SLC25A26: variants seen among roughly 807,000 people sequenced by gnomAD.
SLC25A26 encodes the protein mitochondrial S-adenosylmethionine carrier protein.
A neutral mutation model predicts 37.8 loss-of-function variants in SLC25A26; 36 were observed. That is an observed-to-expected ratio of 0.95 (90% CI 0.73 to 1.26). SLC25A26 has a LOEUF of 1.26. Ranked by LOEUF, SLC25A26 falls within the 50% of genes most tolerant of loss-of-function variation. The pLI, the probability that SLC25A26 is intolerant of heterozygous loss-of-function variation, is 0.00. For missense variants in SLC25A26, 390 were observed against 331.1 expected (o/e 1.18, Z -1.38); for synonymous variants, 129 against 122.5 (o/e 1.05, Z -0.35).
chr3:66,184,233 C>A (rs888908679), intron 1 of SLC25A26, among the ~76,000 whole-genome samples: 1 of 152,080 alleles, frequency 6.6e-6, no homozygotes, highest in Non-Finnish European at 1.5e-5. Context: ...GTCTCTGACA[C>A]TGACTTTCAC....
chr3:66,333,832 A>AAAACAAAAAAC (rs980885460), intron 5 of SLC25A26, among the ~76,000 whole-genome samples: 5 of 115,430 alleles, frequency 4.3e-5, no homozygotes, highest in Non-Finnish European at 7.3e-5. Context: ...AGAACCTAGA[A>AAAACAAAAAAC]AAACAAAAAA....
rs141058279 is a variant in SLC25A26 at position 66,373,366 on chromosome 3, G to A, written c.707+2764G>A. Among the ~76,000 whole-genome samples the A allele has an allele frequency of 2.5e-4, 38 of 152,356 alleles. No individual in the cohort carries two copies. In the East Asian group the frequency reaches 6.4e-3, roughly 26 times the overall value. On this transcript the variant is annotated intron_variant, in intron 9 of 9. Coordinates refer to ENST00000354883, the MANE Select transcript of SLC25A26 (RefSeq NM_001379210.1). ...TACTCCACGTTAAGGCCGTAATTAC[G>A]TTAATAGATTCAGTGGTCATCTGTT...
intron 5 of SLC25A26, among the ~76,000 whole-genome samples, chr3:66,284,673 A>G (rs1430976758): frequency 1.3e-5 from 2 of 152,238 alleles, no homozygotes; most frequent in African/African-American, 4.8e-5. Flanking sequence ...ACATGGATCA[A>G]TCTCAACAAA....
chr3:66,347,309 C>T (rs537625131), intron 6 of SLC25A26, among the ~76,000 whole-genome samples: 25 of 152,178 alleles, frequency 1.6e-4, no homozygotes, highest in African/African-American at 4.1e-4. Flanking sequence ...AAAAAGTGAG[C>T]GAAGGACATG....
At chr3:66,160,204 G>A (rs1256321870) in intron 1 of SLC25A26, among the ~76,000 whole-genome samples, 1 of 152,020 alleles carries the variant, frequency 6.6e-6, no homozygotes, top group East Asian at 1.9e-4. Context: ...TGGACAGGCT[G>A]GTCTCGAGCA....
chr3:66,247,318 A>G (rs2072895294), intron 3 of SLC25A26, among the ~76,000 whole-genome samples: 1 of 151,984 alleles, frequency 6.6e-6, no homozygotes, highest in Non-Finnish European at 1.5e-5. Context: ...CATATTTACA[A>G]ATGAATGAAT....
At chr3:66,317,625 G>A (rs571864140) in intron 5 of SLC25A26, among the ~76,000 whole-genome samples, 19 of 152,338 alleles carry the variant, frequency 1.2e-4, no homozygotes, top group African/African-American at 4.6e-4. Context: ...AAGCAGTCTG[G>A]CTGCCCGTTG....
chr3:66,195,959 A>G (rs2106802821), intron 1 of SLC25A26, among the ~76,000 whole-genome samples: 1 of 152,370 alleles, frequency 6.6e-6, no homozygotes, highest in East Asian at 1.9e-4. Context: ...GCTAAGATCA[A>G]GCGTAGGAGC....
chr3:66,272,291 T>C (rs1250023447), intron 5 of SLC25A26, among the ~76,000 whole-genome samples: 2 of 152,254 alleles, frequency 1.3e-5, no homozygotes, highest in African/African-American at 4.8e-5. Context: ...ATCCATGAAC[T>C]TAACCTTTAT....
chr3:66,205,241 C>G (rs1037858823), intron 1 of SLC25A26, among the ~76,000 whole-genome samples: 2 of 152,086 alleles, frequency 1.3e-5, no homozygotes, highest in African/African-American at 2.4e-5. Context: ...AAGAAAAAAG[C>G]GTGGTGGAGG....
At chr3:66,371,499 G>A in intron 9 of SLC25A26, 2 of 1,365,984 alleles carry the variant, frequency 1.5e-6, no homozygotes, top group Non-Finnish European at 1.9e-6. Context: ...AAAAGTAGGT[G>A]ATATTGGATG....
At position 66,158,674 on chromosome 3, in the gene SLC25A26, G is replaced by T. The variant is rs559141063; in HGVS notation, c.-354+24690G>T. On this transcript the variant is annotated intron_variant, in intron 1 of 10. Coordinates refer to the SLC25A26 transcript ENST00000676754. Reference sequence around the variant, plus strand: ...CACGCAGGCATTGAGTTCATAGATTGTTATACAAAGTGGCTTTCGTTTTAT... The same window carrying T: ...CACGCAGGCATTGAGTTCATAGATTTTTATACAAAGTGGCTTTCGTTTTAT... Among the ~76,000 whole-genome samples, 33 of 152,230 alleles carry T rather than the reference G, an allele frequency of 2.2e-4. No individual in the cohort carries two copies. In the South Asian group the frequency reaches 4.4e-3, roughly 20 times the overall value.
At chr3:66,239,829 T>TC (rs2072485830) in intron 2 of SLC25A26, among the ~76,000 whole-genome samples, 1 of 134,602 alleles carries the variant, frequency 7.4e-6, no homozygotes, top group Non-Finnish European at 1.7e-5. Flanking sequence ...TTTTTTTTTT[T>TC]TTTTTTTTTT....
intron 5 of SLC25A26, among the ~76,000 whole-genome samples, chr3:66,273,417 G>A (rs1382837266): frequency 2.6e-5 from 4 of 151,978 alleles, no homozygotes; most frequent in Admixed American, 6.6e-5. Context: ...AATCCATCTG[G>A]TCCTGGACTC....
At chr3:66,208,228 A>C (rs2071205847) in intron 1 of SLC25A26, among the ~76,000 whole-genome samples, 1 of 152,176 alleles carries the variant, frequency 6.6e-6, no homozygotes, top group African/African-American at 2.4e-5. Context: ...TTCATTGTTC[A>C]TCATAATGAC....
chr3:66,208,887 C>CACCTTT, intron 1 of SLC25A26, among the ~76,000 whole-genome samples: 1 of 24,084 alleles, frequency 4.2e-5, no homozygotes, highest in East Asian at 1.6e-3. Context: ...TATATATATA[C>CACCTTT]ACCTTTATAT....
intron 5 of SLC25A26, among the ~76,000 whole-genome samples, chr3:66,286,618 A>G (rs1003404629): frequency 2.6e-5 from 4 of 152,074 alleles, no homozygotes; most frequent in African/African-American, 7.2e-5. Flanking sequence ...CATATTTTTG[A>G]ATATCCCAGT....
chr3:66,340,162 T>C (rs564733083), intron 5 of SLC25A26, among the ~76,000 whole-genome samples: 1 of 152,114 alleles, frequency 6.6e-6, no homozygotes, highest in East Asian at 1.9e-4. Flanking sequence ...TGTTTAACCA[T>C]ATATGTGAAG....
chr3:66,342,753 A>G (rs1381315539), intron 5 of SLC25A26, among the ~76,000 whole-genome samples: 4 of 152,186 alleles, frequency 2.6e-5, no homozygotes, highest in Non-Finnish European at 5.9e-5. Context: ...GCACTCTTGT[A>G]TAGAATTATT....
Sources: allele counts gnomAD v4.1 joint callset (sites outside exome capture counted in the v4.1 genomes callset), GRCh38; gene constraint gnomAD v4.1.1; transcripts MANE v1.5; gene names NCBI Gene and HGNC (gene_info 2026-07-23, HGNC 2026-07-21).